Variants in EYA2 observed in about 807,000 individuals in gnomAD.
The protein encoded by EYA2 is protein phosphatase EYA2.
Under a neutral mutation model 69.2 loss-of-function variants are expected in EYA2, and 31 were observed. The ratio of observed to expected loss-of-function variants is 0.45; its 90% CI spans 0.34 to 0.60. EYA2 has a LOEUF of 0.60. EYA2 is among the 20% of genes least tolerant of loss of function. The pLI, the probability that EYA2 is intolerant of heterozygous loss-of-function variation, is 0.02. For missense variants in EYA2, 622 were observed against 701.2 expected (o/e 0.89, Z 1.28); for synonymous variants, 257 against 279.4 (o/e 0.92, Z 0.80).
intron 1 of EYA2, among the ~76,000 whole-genome samples, chr20:46,914,312 A>G (rs1030376598): frequency 3.3e-5 from 5 of 152,238 alleles, no homozygotes; most frequent in Non-Finnish European, 4.4e-5. Context: ...CTGTGGACAC[A>G]GGCTTAAATC....
intron 5 of EYA2, among the ~76,000 whole-genome samples, chr20:47,061,930 A>G (rs2146454833): frequency 6.6e-6 from 1 of 152,308 alleles, no homozygotes; most frequent in East Asian, 1.9e-4. Context: ...CCAGACTCTC[A>G]GGAGGACTTG....
intron 4 of EYA2, among the ~76,000 whole-genome samples, chr20:47,008,809 A>G (rs1982886083): frequency 6.6e-6 from 1 of 152,196 alleles, no homozygotes; most frequent in Non-Finnish European, 1.5e-5. Context: ...CTGTTTTCAC[A>G]TTCATACAAT....
At chr20:47,130,456 A>G (rs963276765) in intron 9 of EYA2, among the ~76,000 whole-genome samples, 24 of 151,732 alleles carry the variant, frequency 1.6e-4, no homozygotes, top group Non-Finnish European at 3.4e-4. Flanking sequence ...TAGTAGAGGC[A>G]GGGTTTCACC....
At chr20:47,041,359 CT>C (rs139908250) in intron 5 of EYA2, among the ~76,000 whole-genome samples, 73 of 152,342 alleles carry the variant, frequency 4.8e-4, no homozygotes, top group African/African-American at 1.8e-3. Flanking sequence ...CTGCCTCCCA[CT>C]TTTAACCCAT....
rs139881390 is a variant in EYA2, at chr20:47,179,696, G to T, written c.1199-102G>T. 1.5e-3 allele frequency: 1,159 copies of T among 753,986 alleles called. 14 individuals are homozygous for T. The African/African-American group carries it at 0.018, about 12-fold the overall frequency. 46.7% of individuals were successfully genotyped at this position (753,986 alleles called of 1,614,324 possible). On this transcript the variant is annotated intron_variant, in intron 12 of 15. Coordinates refer to ENST00000327619, the MANE Select transcript of EYA2 (RefSeq NM_005244.5). The stretch of plus-strand genomic sequence containing the variant: ...TGAAGTTTACTTTGGGTTGTCATCT[G>T]ATTTTAACCCTCAGGGTACAGTAGC...
intron 10 of EYA2, among the ~76,000 whole-genome samples, chr20:47,151,357 C>T (rs931912639): frequency 6.6e-6 from 1 of 151,224 alleles, no homozygotes; most frequent in Non-Finnish European, 1.5e-5. Flanking sequence ...GGCAACAGAG[C>T]GAGACTCCAT....
At chr20:46,947,202 C>G (rs1978512639) in intron 1 of EYA2, among the ~76,000 whole-genome samples, 1 of 152,062 alleles carries the variant, frequency 6.6e-6, no homozygotes, top group African/African-American at 2.4e-5. Context: ...GCATTACTAA[C>G]CCTCCCAAAC....
At chr20:47,166,393 T>TTAAAAA (rs1555806208) in intron 10 of EYA2, among the ~76,000 whole-genome samples, 970 of 34,512 alleles carry the variant, frequency 0.028, 105 homozygotes, top group Admixed American at 0.043. Context: ...CAAGACTGTC[T>TTAAAAA]AAAAAAAAAA....
At chr20:47,095,090 G>T (rs1448709208) in intron 8 of EYA2, among the ~76,000 whole-genome samples, 3 of 151,924 alleles carry the variant, frequency 2.0e-5, no homozygotes, top group East Asian at 3.9e-4. Flanking sequence ...AGTAATTTAA[G>T]AAACATAAAA....
chr20:47,004,751 C>T (rs1982597746), intron 3 of EYA2, 191 bp from the exon 4 acceptor site: 3 of 744,366 alleles, frequency 4.0e-6, no homozygotes, highest in Non-Finnish European at 6.7e-6. Context: ...TCTGACTGCA[C>T]AGGAGACAGA....
chr20:46,986,476 T>G (rs1032492411), intron 1 of EYA2, among the ~76,000 whole-genome samples: 18 of 56,152 alleles, frequency 3.2e-4, no homozygotes, highest in African/African-American at 7.8e-4. Flanking sequence ...TATATAGAGA[T>G]ATATATATCT....
At chr20:47,097,634 T>C (rs2032292845) in intron 9 of EYA2, among the ~76,000 whole-genome samples, 1 of 151,834 alleles carries the variant, frequency 6.6e-6, no homozygotes. Flanking sequence ...TTAGCAATCG[T>C]TTTGCAAATG....
At chr20:47,017,673 T>A (rs1232874566) in intron 5 of EYA2, among the ~76,000 whole-genome samples, 1 of 152,170 alleles carries the variant, frequency 6.6e-6, no homozygotes, top group Non-Finnish European at 1.5e-5. Context: ...TTGTCAGTGA[T>A]GCCATGAGCC....
chr20:47,034,688 A>C (rs1182239661), intron 5 of EYA2, among the ~76,000 whole-genome samples: 1 of 152,256 alleles, frequency 6.6e-6, no homozygotes, highest in African/African-American at 2.4e-5. Flanking sequence ...GTGTTTCCTA[A>C]GACTGTCATA....
chr20:46,932,562 G>A (rs1242163877), intron 1 of EYA2, among the ~76,000 whole-genome samples: 1 of 152,206 alleles, frequency 6.6e-6, no homozygotes, highest in African/African-American at 2.4e-5. Flanking sequence ...TAGTGAGTGA[G>A]TGTTCATGAG....
intron 5 of EYA2, among the ~76,000 whole-genome samples, chr20:47,034,230 T>C (rs1984570286): frequency 6.6e-6 from 1 of 152,242 alleles, no homozygotes; most frequent in African/African-American, 2.4e-5. Flanking sequence ...GCAAGTGGTA[T>C]TGATTTTCTA....
intron 9 of EYA2, among the ~76,000 whole-genome samples, chr20:47,131,611 A>G (rs1350937532): frequency 6.6e-6 from 1 of 152,168 alleles, no homozygotes; most frequent in Non-Finnish European, 1.5e-5. Flanking sequence ...AGGGTGGTCA[A>G]AGTGGGCGGT....
At chr20:47,132,224 G>A (rs372763223) in intron 9 of EYA2, among the ~76,000 whole-genome samples, 28 of 152,136 alleles carry the variant, frequency 1.8e-4, no homozygotes, top group African/African-American at 5.8e-4. Context: ...ACTAGATTAT[G>A]AGCGTGAGCC....
intron 7 of EYA2, among the ~76,000 whole-genome samples, chr20:47,088,768 A>G (rs1600700415): frequency 6.6e-6 from 1 of 152,172 alleles, no homozygotes; most frequent in African/African-American, 2.4e-5. Context: ...TCTATACTTC[A>G]TAGAGACAGG....
Sources: allele counts gnomAD v4.1 joint callset (sites outside exome capture counted in the v4.1 genomes callset), GRCh38; gene constraint gnomAD v4.1.1; transcripts MANE v1.5; gene names NCBI Gene and HGNC (gene_info 2026-07-23, HGNC 2026-07-21).